Variants in PDZD2 observed in about 807,000 individuals in gnomAD.
The protein encoded by PDZD2 is PDZ domain containing 2.
A neutral mutation model predicts 220.7 loss-of-function variants in PDZD2; 90 were observed. The ratio of observed to expected loss-of-function variants is 0.41; its 90% CI spans 0.34 to 0.49. The LOEUF is 0.49. PDZD2 is among the 20% of genes least tolerant of loss of function. The pLI is 0.28. For missense variants in PDZD2, 3,174 were observed against 3,608.5 expected (o/e 0.88, Z 3.08); for synonymous variants, 1,375 against 1,450.5 (o/e 0.95, Z 1.18).
intron 3 of PDZD2, among the ~76,000 whole-genome samples, chr5:31,991,708 C>T (rs910112615): frequency 5.3e-5 from 8 of 152,238 alleles, no homozygotes; most frequent in Admixed American, 1.3e-4. Context: ...TTTTACTGAA[C>T]GTTGCTGTAG....
chr5:31,985,801 G>A (rs554202694), intron 3 of PDZD2, among the ~76,000 whole-genome samples: 11 of 151,266 alleles, frequency 7.3e-5, no homozygotes, highest in African/African-American at 2.2e-4. Context: ...ACTTCTGGCC[G>A]GGCGCAGTGG....
At chr5:31,953,660 A>AAT (rs59213187) in intron 2 of PDZD2, among the ~76,000 whole-genome samples, 58,416 of 138,420 alleles carry the variant, frequency 0.42, 12,688 homozygotes, top group Middle Eastern at 0.57. Context: ...TAAAAAAAAA[A>AAT]TTTTTTTTTT....
chr5:31,640,630 C>CT (rs1219740761), intron 1 of PDZD2, among the ~76,000 whole-genome samples: 2 of 152,104 alleles, frequency 1.3e-5, no homozygotes, highest in Non-Finnish European at 2.9e-5. Context: ...GGCCTGGCAT[C>CT]TCTACTGGGC....
intron 1 of PDZD2, among the ~76,000 whole-genome samples, chr5:31,710,013 T>C (rs1319819407): frequency 6.6e-6 from 1 of 152,168 alleles, no homozygotes; most frequent in Non-Finnish European, 1.5e-5. Context: ...AAGGAGCCAC[T>C]TTTGGAGAGT....
In PDZD2 at chr5:32,097,295, G is replaced by C; in HGVS notation, c.7862G>C (p.Cys2621Ser). ...TTTCACTAGAATGAAGAAGATGTTT[G>C]CTTCATAGTCTTGAATAGAAAAGAA... Reference protein sequence around the residue: ...KAQSENEEDVCFIVLNRKEGS... With the variant: ...KAQSENEEDVSFIVLNRKEGS... Residue 2621 changes from cysteine (C) to serine (S), a missense_variant, in exon 22 of 25, where the codon TGC becomes TCC. Transcript: ENST00000438447. The C allele has an allele frequency of 6.2e-7, 1 of 1,609,262 alleles. No homozygotes were observed. The highest frequency in any genetic ancestry group is 8.5e-7 in the Non-Finnish European group (1 of 1,175,564).
chr5:31,857,026 T>C (rs1290349096), intron 2 of PDZD2, among the ~76,000 whole-genome samples: 2 of 151,998 alleles, frequency 1.3e-5, no homozygotes, highest in Non-Finnish European at 2.9e-5. Context: ...TTCTTTGTCT[T>C]TTCTAGAGGC....
intron 2 of PDZD2, among the ~76,000 whole-genome samples, chr5:31,825,984 G>A (rs1756188280): frequency 6.6e-6 from 1 of 151,924 alleles, no homozygotes; most frequent in Non-Finnish European, 1.5e-5. Flanking sequence ...TGAGTTTACA[G>A]CTCCTGATGC....
At chr5:31,913,965 ACTGCTAAAAG>A (rs1424234680) in intron 2 of PDZD2, among the ~76,000 whole-genome samples, 2 of 152,004 alleles carry the variant, frequency 1.3e-5, no homozygotes, top group Admixed American at 6.6e-5. Flanking sequence ...CACACTCTCT[ACTGCTAAAAG>A]CTAGAGCCAG....
intron 1 of PDZD2, among the ~76,000 whole-genome samples, chr5:31,661,936 G>A (rs1038060231): frequency 2.0e-5 from 3 of 152,166 alleles, no homozygotes; most frequent in South Asian, 2.1e-4. Context: ...CTGTAGTCCA[G>A]ACACGTCATC....
chr5:31,835,064 C>CT (rs1756865400), intron 2 of PDZD2, among the ~76,000 whole-genome samples: 1 of 152,052 alleles, frequency 6.6e-6, no homozygotes, highest in Non-Finnish European at 1.5e-5. Context: ...TGTTTCAAAA[C>CT]TTTGATAGCC....
chr5:32,063,287 C>T (rs1739865402), intron 14 of PDZD2, among the ~76,000 whole-genome samples: 1 of 152,082 alleles, frequency 6.6e-6, no homozygotes, highest in Non-Finnish European at 1.5e-5. Flanking sequence ...TCAAGTGATC[C>T]TCCCACTGGA....
chr5:31,721,488 T>C (rs1748787693), intron 1 of PDZD2, among the ~76,000 whole-genome samples: 1 of 95,610 alleles, frequency 1.0e-5, no homozygotes, highest in East Asian at 2.8e-4. Flanking sequence ...TTTTTAGAAA[T>C]GCAAAGCCTG....
At chr5:31,866,816 C>G (rs1260522266) in intron 2 of PDZD2, among the ~76,000 whole-genome samples, 3 of 152,152 alleles carry the variant, frequency 2.0e-5, no homozygotes, top group African/African-American at 7.2e-5. Context: ...GTGCAGTAAG[C>G]AATTACTGAG....
chr5:31,997,082 G>C (rs1479762389), intron 4 of PDZD2, among the ~76,000 whole-genome samples: 1 of 152,182 alleles, frequency 6.6e-6, no homozygotes, highest in East Asian at 1.9e-4. Flanking sequence ...TGCAAGGCCT[G>C]CTGGGGCGTG....
chr5:31,935,058 C>T (rs560574828), intron 2 of PDZD2, among the ~76,000 whole-genome samples: 84 of 148,682 alleles, frequency 5.6e-4, no homozygotes, highest in African/African-American at 2.0e-3. Context: ...ACTGCACTCC[C>T]ACCTGGGCAA....
chr5:31,877,057 T>C (rs1381986210), intron 2 of PDZD2, among the ~76,000 whole-genome samples: 1 of 152,232 alleles, frequency 6.6e-6, no homozygotes, highest in Admixed American at 6.5e-5. Context: ...AGTTACTGCA[T>C]GTGTCCTGCC....
chr5:32,102,246 T>C (rs115505324), intron 24 of PDZD2, among the ~76,000 whole-genome samples: 3,224 of 151,966 alleles, frequency 0.021, 121 homozygotes, highest in African/African-American at 0.074. Context: ...GACAGAGAAA[T>C]GTGCACTGCA....
intron 2 of PDZD2, among the ~76,000 whole-genome samples, chr5:31,930,827 T>A (rs1745217583): frequency 6.6e-6 from 1 of 152,010 alleles, no homozygotes. Context: ...CCCAGTACTT[T>A]GGGAGGCCAA....
chr5:31,950,990 G>T (rs1388939081), intron 2 of PDZD2, among the ~76,000 whole-genome samples: 1 of 152,208 alleles, frequency 6.6e-6, no homozygotes, highest in Non-Finnish European at 1.5e-5. Flanking sequence ...TGTGGGTCCT[G>T]TTCCTCATAG....
Sources: allele counts gnomAD v4.1 joint callset (sites outside exome capture counted in the v4.1 genomes callset), GRCh38; gene constraint gnomAD v4.1.1; transcripts MANE v1.5; gene names NCBI Gene and HGNC (gene_info 2026-07-23, HGNC 2026-07-21).